ARHGAP6: variants seen among roughly 807,000 people sequenced by gnomAD.
ARHGAP6 encodes the protein Rho GTPase activating protein 6, also known as rho GTPase-activating protein 6.
ARHGAP6 carries 16 observed loss-of-function variants against 55.7 expected under a neutral mutation model. That is an observed-to-expected ratio of 0.29 (90% CI 0.19 to 0.44). The LOEUF is 0.44. Among genes scored for constraint, ARHGAP6 ranks in the 20% least tolerant of loss-of-function variants. ARHGAP6 has a pLI of 1.00. For missense variants in ARHGAP6, 698 were observed against 808.9 expected (o/e 0.86, Z 1.66); for synonymous variants, 382 against 360.9 (o/e 1.06, Z -0.66).
chrX:11,376,105 A>T (rs916596664), intron 1 of ARHGAP6, among the ~76,000 whole-genome samples: 1 of 111,774 alleles, frequency 8.9e-6, no homozygotes, highest in Admixed American at 9.5e-5. Context: ...GAAGAGAGAA[A>T]ATAACAAGAT....
At chrX:11,155,198 T>A (rs1286850162) in intron 10 of ARHGAP6, among the ~76,000 whole-genome samples, 2 of 112,566 alleles carry the variant, frequency 1.8e-5, no homozygotes, top group Non-Finnish European at 3.7e-5. Context: ...TGAGTGAAAA[T>A]TAATTTATCA....
At chrX:11,631,758 G>A (rs758957905) in intron 1 of ARHGAP6, among the ~76,000 whole-genome samples, 17 of 111,843 alleles carry the variant, frequency 1.5e-4, no homozygotes, top group Non-Finnish European at 2.1e-4. Context: ...CTATAAAAGC[G>A]CCAAAGCTGC....
chrX:11,388,493 G>A (rs767778364), intron 1 of ARHGAP6, among the ~76,000 whole-genome samples: 21 of 111,388 alleles, frequency 1.9e-4, no homozygotes, highest in South Asian at 7.6e-4. Context: ...ATTTTCTCCC[G>A]TTTTGTAGGT....
chrX:11,487,370 C>T (rs983144032), intron 1 of ARHGAP6, among the ~76,000 whole-genome samples: 5 of 111,064 alleles, frequency 4.5e-5, no homozygotes, highest in African/African-American at 1.6e-4. Context: ...AAGAAAGGTA[C>T]GAGGTGAGGC....
intron 1 of ARHGAP6, among the ~76,000 whole-genome samples, chrX:11,418,019 C>T (rs2049776454): frequency 8.9e-6 from 1 of 112,037 alleles, no homozygotes; most frequent in Non-Finnish European, 1.9e-5. Flanking sequence ...TTTCTGAGAG[C>T]TTTAAATCAC....
intron 1 of ARHGAP6, among the ~76,000 whole-genome samples, chrX:11,314,902 A>G (rs1287192382): frequency 8.9e-6 from 1 of 112,403 alleles, no homozygotes; most frequent in African/African-American, 3.2e-5. Flanking sequence ...AAGTTTATCC[A>G]TGTAACAAAC....
intron 1 of ARHGAP6, among the ~76,000 whole-genome samples, chrX:11,324,137 G>A (rs2048470322): frequency 8.9e-6 from 1 of 111,975 alleles, no homozygotes; most frequent in Admixed American, 9.5e-5. Context: ...ATCAGCTGCA[G>A]ACAAGAGCAG....
intron 12 of ARHGAP6, among the ~76,000 whole-genome samples, chrX:11,139,993 G>A (rs938758006): frequency 9.0e-6 from 1 of 111,042 alleles, no homozygotes; most frequent in African/African-American, 3.3e-5. Flanking sequence ...CCCATTCCAT[G>A]CCAGAAGGCA....
At chrX:11,503,159 G>A (rs905549156) in intron 1 of ARHGAP6, among the ~76,000 whole-genome samples, 3 of 111,555 alleles carry the variant, frequency 2.7e-5, no homozygotes, top group African/African-American at 9.8e-5. Context: ...GCCTCCCAAA[G>A]TGCTGAGATT....
chrX:11,571,386 T>C (rs1268787615), intron 1 of ARHGAP6, among the ~76,000 whole-genome samples: 1 of 111,004 alleles, frequency 9.0e-6, no homozygotes, highest in Non-Finnish European at 1.9e-5. Flanking sequence ...GCAATTCACT[T>C]AACTATAGTA....
chrX:11,152,197 G>T (rs763949131), intron 10 of ARHGAP6, among the ~76,000 whole-genome samples: 1 of 112,038 alleles, frequency 8.9e-6, no homozygotes, highest in African/African-American at 3.2e-5. Flanking sequence ...CTAATAGACC[G>T]CATATATAAT....
At chrX:11,386,189 C>T (rs988939495) in intron 1 of ARHGAP6, among the ~76,000 whole-genome samples, 1 of 112,978 alleles carries the variant, frequency 8.9e-6, no homozygotes, top group South Asian at 3.6e-4. Context: ...ATCTCTGGAA[C>T]GAACCTGAGA....
chrX:11,638,228 T>C lies in ARHGAP6; in HGVS notation c.588+26013A>G, dbSNP rs374725017. 2.8e-4 allele frequency among the ~76,000 whole-genome samples: 31 copies of C among 111,925 alleles called. No individual in the cohort carries two copies. The South Asian group carries it at 7.8e-3, about 28-fold the overall frequency. On this transcript the variant is annotated intron_variant, in intron 1 of 12. Transcript: ENST00000337414. ...AATAAATTCTGACTAACATTTTCAG[T>C]TGGACTGAAGAAAATGACAAAGTCA...
intron 1 of ARHGAP6, among the ~76,000 whole-genome samples, chrX:11,426,303 CG>C (rs2049878854): frequency 9.0e-6 from 1 of 111,186 alleles, no homozygotes; most frequent in African/African-American, 3.3e-5. Context: ...GGAGCAGCTC[CG>C]GGATGCCTGA....
chrX:11,444,833 A>C (rs776421725), intron 1 of ARHGAP6, among the ~76,000 whole-genome samples: 13 of 112,074 alleles, frequency 1.2e-4, no homozygotes, highest in Non-Finnish European at 2.4e-4. Context: ...TTTAACAAGC[A>C]CTCTTGTCTA....
chrX:11,601,817 G>T (rs2051977620), intron 1 of ARHGAP6, among the ~76,000 whole-genome samples: 1 of 112,033 alleles, frequency 8.9e-6, no homozygotes, highest in South Asian at 3.7e-4. Flanking sequence ...CTGAGAAGAT[G>T]CCCAGGGAGA....
At chrX:11,360,287 A>T (rs2048992419) in intron 1 of ARHGAP6, among the ~76,000 whole-genome samples, 1 of 111,811 alleles carries the variant, frequency 8.9e-6, no homozygotes, top group Non-Finnish European at 1.9e-5. Context: ...ATCTAGCAGC[A>T]CATCAAAAAG....
intron 11 of ARHGAP6, 24 bp downstream of exon 11, chrX:11,143,956 G>C: frequency 8.3e-7 from 1 of 1,211,644 alleles, no homozygotes; most frequent in Non-Finnish European, 1.1e-6. Flanking sequence ...TTTGGCCAGC[G>C]CCTGCTGGCC....
intron 1 of ARHGAP6, among the ~76,000 whole-genome samples, chrX:11,307,783 T>C (rs1005700527): frequency 6.2e-5 from 7 of 112,016 alleles, no homozygotes; most frequent in Admixed American, 9.5e-5. Context: ...GGCTTTTTTT[T>C]CCCCGTTCTG....
Sources: allele counts gnomAD v4.1 joint callset (sites outside exome capture counted in the v4.1 genomes callset), GRCh38; gene constraint gnomAD v4.1.1; transcripts MANE v1.5; gene names NCBI Gene and HGNC (gene_info 2026-07-23, HGNC 2026-07-21).